The following SOHLH2 variants were observed in gnomAD, a reference collection of about 807,000 sequenced individuals.
The protein encoded by SOHLH2 is spermatogenesis and oogenesis specific basic helix-loop-helix 2.
In SOHLH2, 22 loss-of-function variants were observed where a neutral mutation model predicts 50.4. That is an observed-to-expected ratio of 0.44 (90% CI 0.31 to 0.62). SOHLH2 has a LOEUF of 0.62. SOHLH2 is among the 20% of genes least tolerant of loss of function. The pLI is 0.08. For synonymous variants in SOHLH2, 185 were observed against 187.3 expected (o/e 0.99, Z 0.10); for missense variants, 412 against 504.4 (o/e 0.82, Z 1.76).
At chr13:36,211,813 G>T (rs770774652) in intron 1 of SOHLH2, among the ~76,000 whole-genome samples, 2 of 152,310 alleles carry the variant, frequency 1.3e-5, no homozygotes, top group South Asian at 4.1e-4. Flanking sequence ...TGAGCACAAA[G>T]AACACAGAAA....
At chr13:36,197,568 A>G (rs1887770636) in intron 2 of SOHLH2, among the ~76,000 whole-genome samples, 1 of 152,200 alleles carries the variant, frequency 6.6e-6, no homozygotes, top group Non-Finnish European at 1.5e-5. Flanking sequence ...TCTTAGAGCC[A>G]TAAGGATTTC....
intron 1 of SOHLH2, among the ~76,000 whole-genome samples, chr13:36,212,830 T>A (rs139024106): frequency 6.6e-6 from 1 of 152,214 alleles, no homozygotes; most frequent in South Asian, 2.1e-4. Flanking sequence ...AGACACTTCA[T>A]CCACTGTTTC....
chr13:36,173,588 T>A (rs1887019684), intron 9 of SOHLH2, 104 bp downstream of exon 9: 2 of 1,349,756 alleles, frequency 1.5e-6, no homozygotes, highest in Admixed American at 1.8e-5. Context: ...ACTCATCAGC[T>A]CTCCTGGATT....
rs150324953 is a variant in SOHLH2, at chr13:36,202,918, G to A, written c.49-825C>T. 3.4e-3 allele frequency among the ~76,000 whole-genome samples: 516 copies of A among 152,292 alleles called. 2 individuals are homozygous for A. The highest frequency in any genetic ancestry group is 5.8e-3 in the Non-Finnish European group (393 of 68,014). On this transcript the variant is annotated intron_variant, in intron 1 of 10. Coordinates refer to ENST00000379881, the MANE Select transcript of SOHLH2 (RefSeq NM_017826.3). ...GCTTGGCAAAGAAGCAACTCCACAG[G>A]GCAGGATGCTGGTGTAAGTGGCCCC...
At chr13:36,207,068 T>A (rs947359163) in intron 1 of SOHLH2, among the ~76,000 whole-genome samples, 1 of 151,972 alleles carries the variant, frequency 6.6e-6, no homozygotes, top group Admixed American at 6.6e-5. Flanking sequence ...CTTTTCTTTA[T>A]CATCTTTTCT....
chr13:36,193,837 C>G lies in SOHLH2; in HGVS notation c.294G>C (p.Leu98=). The G allele has an allele frequency of 6.2e-7, 1 of 1,602,402 alleles. No homozygotes were observed. Among genetic ancestry groups the G allele is most frequent in the South Asian group, 1.1e-5 (1 of 87,372 alleles). ...RFGKKKNTHS[L]FVFIIPENFK... ...AATTTTCAGGGATTATAAAAACAAA[C>G]AGTGAATGTGTATTTTTCTTTTTGC... Residue 98 remains leucine, a synonymous_variant, in exon 3 of 11, where the codon CTG becomes CTC. Transcript: ENST00000379881.
intron 1 of SOHLH2, among the ~76,000 whole-genome samples, chr13:36,208,891 C>T (rs1356452616): frequency 6.6e-6 from 1 of 152,160 alleles, no homozygotes; most frequent in Non-Finnish European, 1.5e-5. Context: ...TTCTGGAATC[C>T]AAGTTGCTAA....
intron 2 of SOHLH2, among the ~76,000 whole-genome samples, chr13:36,196,234 T>C (rs1340564204): frequency 6.6e-6 from 1 of 151,764 alleles, no homozygotes; most frequent in African/African-American, 2.4e-5. Context: ...CAAGCGATCC[T>C]GTACCTCAGC....
chr13:36,195,032 G>A (rs772906558), intron 2 of SOHLH2, among the ~76,000 whole-genome samples: 6 of 152,238 alleles, frequency 3.9e-5, no homozygotes, highest in Non-Finnish European at 8.8e-5. Context: ...GCTAGGCTCT[G>A]GGGGATATCA....
Position 36,168,756 on chromosome 13 carries a change from G to A in SOHLH2, c.*278C>T. 2.3e-6 allele frequency: 1 copy of A among 429,714 alleles called. No homozygotes were observed. Among genetic ancestry groups the A allele is most frequent in the Non-Finnish European group, 4.1e-6 (1 of 244,756 alleles). The allele number at this position is 429,714 out of a possible 1,614,324, so 26.6% of individuals were successfully genotyped here. ...TTGTGGAATATTTTTTGAGAAAAGA[G>A]AGTGTAGGTCACTGAGGCCATTTGT... is the stretch of plus-strand genomic sequence containing the variant. On this transcript the variant is annotated 3_prime_UTR_variant, in exon 11 of 11. Transcript: ENST00000379881.
At chr13:36,185,160 CT>C (rs34353129) in intron 6 of SOHLH2, among the ~76,000 whole-genome samples, 30,347 of 151,568 alleles carry the variant, frequency 0.2, 3,561 homozygotes, top group East Asian at 0.49. Context: ...TTTTCAAAGA[CT>C]TTTTTTTTAA....
At chr13:36,187,745 A>C (rs1887460427) in intron 6 of SOHLH2, among the ~76,000 whole-genome samples, 1 of 152,200 alleles carries the variant, frequency 6.6e-6, no homozygotes, top group African/African-American at 2.4e-5. Flanking sequence ...TTTTCCATGG[A>C]AGAGACATTC....
chr13:36,175,009 T>A (rs1226849927), intron 6 of SOHLH2, 140 bp from the exon 7 acceptor site: 33 of 1,283,706 alleles, frequency 2.6e-5, no homozygotes, highest in Non-Finnish European at 3.3e-5. Flanking sequence ...AGAGAAAGGC[T>A]GTGTCCCCAC....
At chr13:36,170,119 T>C (rs1886921762) in intron 10 of SOHLH2, among the ~76,000 whole-genome samples, 2 of 152,132 alleles carry the variant, frequency 1.3e-5, no homozygotes, top group Admixed American at 1.3e-4. Context: ...AGAAAGCTTT[T>C]TGATTAGTGT....
At chr13:36,191,063 A>AAACC (rs1887557886) in intron 5 of SOHLH2, among the ~76,000 whole-genome samples, 2 of 152,196 alleles carry the variant, frequency 1.3e-5, no homozygotes, top group Admixed American at 1.3e-4. Context: ...GCTCTACTTA[A>AAACC]AACCTCCTTG....
chr13:36,200,709 T>C (rs1487007631), intron 2 of SOHLH2, among the ~76,000 whole-genome samples: 1 of 152,028 alleles, frequency 6.6e-6, no homozygotes, highest in East Asian at 1.9e-4. Context: ...AGAATCTAAC[T>C]CTCCCACCAC....
intron 6 of SOHLH2, among the ~76,000 whole-genome samples, chr13:36,176,247 T>C (rs935142175): frequency 2.0e-5 from 3 of 152,208 alleles, no homozygotes; most frequent in African/African-American, 7.2e-5. Flanking sequence ...GATGGCTGGA[T>C]GATGGATCAT....
intron 2 of SOHLH2, among the ~76,000 whole-genome samples, chr13:36,197,786 G>A (rs944853745): frequency 1.3e-5 from 2 of 152,098 alleles, no homozygotes; most frequent in African/African-American, 4.8e-5. Flanking sequence ...GTTCCCACTC[G>A]GCTCTCCCAC....
At chr13:36,191,634 G>GTATT (rs1887576219) in intron 5 of SOHLH2, among the ~76,000 whole-genome samples, 161 bp downstream of exon 5, 1 of 152,120 alleles carries the variant, frequency 6.6e-6, no homozygotes, top group African/African-American at 2.4e-5. Flanking sequence ...TGTTTATGAA[G>GTATT]TATTTCCTTA....
Sources: gnomAD v4.1 joint callset for allele counts (sites outside exome capture counted in the v4.1 genomes callset) on GRCh38, gnomAD v4.1.1 for gene constraint, MANE v1.5 for transcripts, NCBI Gene and HGNC (gene_info 2026-07-23, HGNC 2026-07-21) for gene names.